FGD5: variants seen among roughly 807,000 people sequenced by gnomAD.
FGD5 encodes the protein FYVE, RhoGEF and PH domain containing 5, also known as FYVE, RhoGEF and PH domain-containing protein 5.
In FGD5, 28 loss-of-function variants were observed where a neutral mutation model predicts 133.4. That is an observed-to-expected ratio of 0.21 (90% CI 0.16 to 0.29). The LOEUF (loss-of-function observed/expected upper bound fraction) is 0.29, where lower values mean the gene tolerates loss of function less well. Ranked by LOEUF, FGD5 falls within the 10% of genes least tolerant of loss-of-function variation. The probability of loss-of-function intolerance (pLI) is 1.00; values close to 1 mark genes in which losing one functional copy is unlikely to be tolerated. For missense variants in FGD5, 1,858 were observed against 1,895.2 expected, an observed-to-expected ratio of 0.98 and a Z score of 0.36; for synonymous variants, 810 against 776.5, an observed-to-expected ratio of 1.04 and a Z score of -0.72.
intron 10 of FGD5, among the ~76,000 whole-genome samples, chr3:14,908,827 C>T (rs1204372896): frequency 6.6e-6 from 1 of 151,426 alleles, no homozygotes; most frequent in Non-Finnish European, 1.5e-5. Context: ...TTGCAGTGAG[C>T]CGAGATCGCG....
At chr3:14,849,633 C>T (rs930587860) in intron 1 of FGD5, among the ~76,000 whole-genome samples, 4 of 152,136 alleles carry the variant, frequency 2.6e-5, no homozygotes, top group Admixed American at 6.6e-5. Flanking sequence ...GCCCCTGGGA[C>T]GTGCTCAGCT....
At position 14,820,399 on chromosome 3, in the gene FGD5, G is replaced by T. The variant is rs759166943; in HGVS notation, c.1328G>T (p.Gly443Val). The T allele has an allele frequency of 5.6e-6, 9 of 1,613,978 alleles. No homozygotes were observed. The highest frequency in any genetic ancestry group is 7.6e-6 in the Non-Finnish European group (9 of 1,179,884). The change falls in exon 1 of 20, where the codon GGA becomes GTA. Residue 443 changes from glycine to valine, a missense_variant. By Grantham distance (109) the Gly-to-Val change is moderately radical. This residue lies in a region of FGD5 where 1,824 missense variants were observed against 1,848.9 expected (regional missense o/e 0.99). Coordinates refer to ENST00000285046, the MANE Select transcript of FGD5 (RefSeq NM_152536.4). Reference protein sequence around the residue: ...GVGLPGQAAPGEGGQAASDAL... With the variant: ...GVGLPGQAAPVEGGQAASDAL... ...GGCCTGCCCGGTCAGGCGGCCCCTGGAGAAGGAGGGCAGGCTGCATCGGAC... is the reference window on the plus strand; with the variant it reads ...GGCCTGCCCGGTCAGGCGGCCCCTGTAGAAGGAGGGCAGGCTGCATCGGAC...
chr3:14,848,425 TTGC>T (rs34580548), intron 1 of FGD5, among the ~76,000 whole-genome samples: 5,677 of 152,072 alleles, frequency 0.037, 129 homozygotes, highest in Non-Finnish European at 0.04. Context: ...AGTAGGTAAC[TTGC>T]TGCAGCCTTA....
At chr3:14,858,393 G>GGATA (rs1341887910) in intron 1 of FGD5, among the ~76,000 whole-genome samples, 3 of 151,376 alleles carry the variant, frequency 2.0e-5, no homozygotes, top group Non-Finnish European at 3.0e-5. Context: ...ATGGATGGAT[G>GGATA]GATAGATAGA....
chr3:14,920,706 C>G (rs1398805036), intron 13 of FGD5, among the ~76,000 whole-genome samples: 1 of 152,214 alleles, frequency 6.6e-6, no homozygotes, highest in Non-Finnish European at 1.5e-5. Flanking sequence ...CCGCCGTGAT[C>G]CTCATCACCA....
chr3:14,821,538 A>G lies in FGD5; in HGVS notation c.2467A>G (p.Met823Val). Reference sequence around the variant, plus strand: ...AAACGAAAATGATGGCTACGTGGACATGAGCAGCTTCAACGCCTTTGAGAG... The same window carrying G: ...AAACGAAAATGATGGCTACGTGGACGTGAGCAGCTTCAACGCCTTTGAGAG... The part of the protein sequence containing the change: ...TANENDGYVD[M>V]SSFNAFESKQ... Residue 823 changes from methionine to valine, a missense_variant, in exon 1 of 20, where the codon ATG (methionine) becomes GTG (valine). Around this residue, in one of 3 missense-constraint regions of FGD5, gnomAD observed 1,824 missense variants for 1,848.9 expected, o/e 0.99. Coordinates refer to ENST00000285046, the MANE Select transcript of FGD5 (RefSeq NM_152536.4). 6.2e-7 allele frequency: 1 copy of G among 1,613,664 alleles called. No homozygotes were observed. Among genetic ancestry groups the G allele is most frequent in the Non-Finnish European group, 8.5e-7 (1 of 1,179,684 alleles).
chr3:14,860,260 A>G (rs375935598), intron 1 of FGD5, among the ~76,000 whole-genome samples: 7 of 152,334 alleles, frequency 4.6e-5, no homozygotes, highest in East Asian at 1.9e-4. Flanking sequence ...GGCCCCATCA[A>G]TGAGTCTGGT....
At chr3:14,878,851 C>T (rs1339329825) in intron 2 of FGD5, among the ~76,000 whole-genome samples, 1 of 151,782 alleles carries the variant, frequency 6.6e-6, no homozygotes, top group East Asian at 1.9e-4. Flanking sequence ...GGATCACAGG[C>T]GCCCACCACC....
intron 2 of FGD5, among the ~76,000 whole-genome samples, chr3:14,869,840 A>G (rs1285973111): frequency 1.3e-5 from 2 of 152,192 alleles, no homozygotes; most frequent in Admixed American, 6.5e-5. Context: ...CCATTCATTC[A>G]TTGACAGATG....
In FGD5 at chr3:14,864,267, C is replaced by A; in HGVS notation, c.2658+7C>A. 1 of 1,613,892 alleles carries A rather than the reference C, an allele frequency of 6.2e-7. No individual in the cohort carries two copies. Among genetic ancestry groups the A allele is most frequent in the Non-Finnish European group, 8.5e-7 (1 of 1,179,818 alleles). Reference sequence around the variant, plus strand: ...CCCCAGTGTCACCCACAAGGTAGGGCACCCCACAGGTAGGCCGTGGGCATC... The same window carrying A: ...CCCCAGTGTCACCCACAAGGTAGGGAACCCCACAGGTAGGCCGTGGGCATC... On this transcript the variant is annotated splice_region_variant and intron_variant, in intron 2 of 19. Transcript: ENST00000285046.
chr3:14,881,183 G>C lies in FGD5; in HGVS notation c.2748+411G>C, dbSNP rs570399484. On this transcript the variant is annotated intron_variant, in intron 4 of 19. Transcript: ENST00000285046. The stretch of plus-strand genomic sequence containing the variant: ...AAGGTGTCTGCCTGGTGACAGAGCA[G>C]CTGAGGGTATCAAGAGTCTTCCTCA... Among the ~76,000 whole-genome samples, 4 of 152,304 alleles carry C rather than the reference G, an allele frequency of 2.6e-5. No homozygotes were observed. In the East Asian group the frequency reaches 7.7e-4, roughly 29 times the overall value.
At position 14,811,723 on chromosome 3, in the gene FGD5, A is replaced by T. The variant is rs565972426; in HGVS notation, c.13+858A>T. Among the ~76,000 whole-genome samples the T allele has an allele frequency of 5.3e-5, 8 of 152,318 alleles. No homozygotes were observed. In the East Asian group the frequency reaches 7.7e-4, roughly 15 times the overall value. On this transcript the variant is annotated intron_variant, in intron 1 of 1. Transcript: ENST00000640506. The stretch of plus-strand genomic sequence containing the variant: ...CGGATTTAGAAAGCGAGACTCGGAG[A>T]TGGGTGGTGCATGGAACCCAGTCCT...
chr3:14,815,236 G>A (rs994202256), upstream of FGD5, among the ~76,000 whole-genome samples: 5 of 152,060 alleles, frequency 3.3e-5, no homozygotes, highest in East Asian at 1.9e-4. Flanking sequence ...TGGCCTTGCC[G>A]GCCTCTTCGC....
chr3:14,914,435 A>G (rs1043599235), intron 11 of FGD5, among the ~76,000 whole-genome samples: 3 of 152,310 alleles, frequency 2.0e-5, no homozygotes, highest in South Asian at 4.1e-4. Flanking sequence ...GCTGTAAAGC[A>G]TATACTTTGA....
chr3:14,864,104 C>T (rs1210848794), intron 1 of FGD5, 24 bp from the exon 2 acceptor site: 1 of 1,605,970 alleles, frequency 6.2e-7, no homozygotes, highest in Non-Finnish European at 8.5e-7. Context: ...AGCTTTAACC[C>T]TTCTTTCCCC....
intron 4 of FGD5, among the ~76,000 whole-genome samples, chr3:14,894,505 C>CTTTTTTTTTTT (rs55912541): frequency 7.9e-6 from 1 of 127,222 alleles, no homozygotes; most frequent in Non-Finnish European, 1.7e-5. Context: ...TTTGTTAGTT[C>CTTTTTTTTTTT]TTTTTTTTTT....
intron 18 of FGD5, among the ~76,000 whole-genome samples, chr3:14,930,063 T>C (rs2038878258): frequency 6.6e-6 from 1 of 152,232 alleles, no homozygotes; most frequent in South Asian, 2.1e-4. Flanking sequence ...TTTTTCATTA[T>C]GGATATCCAG....
chr3:14,905,105 C>A (rs2038314523), intron 9 of FGD5, among the ~76,000 whole-genome samples: 1 of 152,136 alleles, frequency 6.6e-6, no homozygotes, highest in Admixed American at 6.5e-5. Context: ...TTCCTACCAC[C>A]CATTAATTTA....
chr3:14,881,453 G>T (rs2037823097), intron 4 of FGD5, among the ~76,000 whole-genome samples: 1 of 152,206 alleles, frequency 6.6e-6, no homozygotes, highest in East Asian at 1.9e-4. Flanking sequence ...CCCAGGAGCT[G>T]TCTGGCCAGC....
Sources: allele counts gnomAD v4.1 joint callset (sites outside exome capture counted in the v4.1 genomes callset), GRCh38; gene constraint gnomAD v4.1.1; regional missense constraint gnomAD v4.1.1; transcripts MANE v1.5; gene names NCBI Gene and HGNC (gene_info 2026-07-23, HGNC 2026-07-21).